Variants in PCNT observed in about 807,000 individuals in gnomAD.
PCNT encodes the protein pericentrin.
Under a neutral mutation model 380.4 loss-of-function variants are expected in PCNT, and 319 were observed. The ratio of observed to expected loss-of-function variants is 0.84; its 90% CI spans 0.77 to 0.92. PCNT has a LOEUF of 0.92. Ranked by LOEUF, PCNT falls within the 40% of genes least tolerant of loss-of-function variation. PCNT has a pLI of 0.00. For synonymous variants in PCNT, 1,845 were observed against 1,735.2 expected (o/e 1.06, Z -1.57); for missense variants, 4,400 against 4,255.3 (o/e 1.03, Z -0.95).
At position 46,411,595 on chromosome 21, in the gene PCNT, A is replaced by T; in HGVS notation, c.5522A>T (p.Asn1841Ile). Residue 1841 changes from asparagine (N) to isoleucine (I), a missense_variant, in exon 28 of 47, where the codon AAT becomes ATT. Coordinates refer to ENST00000359568, the MANE Select transcript of PCNT (RefSeq NM_006031.6). Reference protein sequence around the residue: ...AELQLAELERNVALREAEVED... With the variant: ...AELQLAELERIVALREAEVED... ...CTACAGCTGGCTGAGCTGGAGCGCA[A>T]TGTAGCCCTCAGGGAGGCTGAGGTC... 2.5e-6 allele frequency: 4 copies of T among 1,612,744 alleles called. No individual in the cohort carries two copies. The highest frequency in any genetic ancestry group is 2.2e-5 in the East Asian group (1 of 44,834).
chr21:46,442,413 G>T (rs941398080), intron 43 of PCNT, 84 bp from the exon 44 acceptor site: 2 of 849,280 alleles, frequency 2.4e-6, no homozygotes, highest in Non-Finnish European at 4.0e-6. Flanking sequence ...CATTCTGCTT[G>T]TTTGGTCACA....
At chr21:46,398,818 T>C (rs539804681) in intron 24 of PCNT, among the ~76,000 whole-genome samples, 38 of 135,426 alleles carry the variant, frequency 2.8e-4, no homozygotes, top group Admixed American at 2.6e-3. Flanking sequence ...TTTTTTCTTT[T>C]TCTTTTTTTT....
At chr21:46,343,321 T>C (rs1185555266) in intron 3 of PCNT, among the ~76,000 whole-genome samples, 1 of 152,170 alleles carries the variant, frequency 6.6e-6, no homozygotes, top group Non-Finnish European at 1.5e-5. Context: ...ATGCCGATTT[T>C]GCTGAGGGTT....
chr21:46,336,053 T>C (rs964410917), intron 3 of PCNT, among the ~76,000 whole-genome samples: 4 of 152,114 alleles, frequency 2.6e-5, no homozygotes, highest in African/African-American at 9.7e-5. Flanking sequence ...CTCGGCTCAC[T>C]GCAACCTCCG....
Position 46,396,994 on chromosome 21 carries a change from G to T in PCNT, c.4217-271G>T, listed in dbSNP as rs2086232523. On this transcript the variant is annotated intron_variant, in intron 21 of 46. Coordinates refer to ENST00000359568, the MANE Select transcript of PCNT (RefSeq NM_006031.6). ...CTCAGCACCGTCCGTCGTCTGCTGGGACTGGGCTTAGTCGTGTGTTTCTGT... is the reference window on the plus strand; with the variant it reads ...CTCAGCACCGTCCGTCGTCTGCTGGTACTGGGCTTAGTCGTGTGTTTCTGT... 4.6e-5 allele frequency among the ~76,000 whole-genome samples: 7 copies of T among 152,164 alleles called. No individual in the cohort carries two copies. The South Asian group carries it at 1.4e-3, about 32-fold the overall frequency.
In PCNT at chr21:46,436,025, GCAGGGCTGC is replaced by G; in HGVS notation, c.8875_8883del (p.Arg2959_Ala2961del). ...AGCCGCCTCCACCTAGGTTCTGCCC[GCAGGGCTGC>G]CGGCTCGGATGCGGACCACCTCCGG... is the stretch of plus-strand genomic sequence containing the variant. On this transcript the variant is annotated inframe_deletion, in exon 39 of 47. Coordinates refer to ENST00000359568, the MANE Select transcript of PCNT (RefSeq NM_006031.6). 2 of 1,614,048 alleles carry G rather than the reference GCAGGGCTGC, an allele frequency of 1.2e-6. No individual in the cohort carries two copies. Among genetic ancestry groups the G allele is most frequent in the Non-Finnish European group, 1.7e-6 (2 of 1,179,996 alleles).
chr21:46,336,981 GTTTT>G (rs745484512), intron 3 of PCNT, among the ~76,000 whole-genome samples: 3 of 98,876 alleles, frequency 3.0e-5, no homozygotes, highest in Non-Finnish European at 4.9e-5. Flanking sequence ...TTAGAAGGTT[GTTTT>G]TTTTGTTTGT....
chr21:46,418,883 G>A (rs948078123), intron 31 of PCNT, among the ~76,000 whole-genome samples: 4 of 152,226 alleles, frequency 2.6e-5, no homozygotes, highest in African/African-American at 9.6e-5. Flanking sequence ...CGGGAGGTGC[G>A]TGGGCTTGAC....
In PCNT at chr21:46,444,821, G is replaced by C; in HGVS notation, c.9967G>C (p.Asp3323His). The change falls in exon 46 of 47, where the codon GAT becomes CAT. Residue 3323 changes from aspartate (D) to histidine (H), a missense_variant and splice_region_variant. Physicochemically the swap from Asp to His is moderately conservative, Grantham distance 81. Coordinates refer to ENST00000359568, the MANE Select transcript of PCNT (RefSeq NM_006031.6). ...IQQRLGGVLP[D>H]STSKKSCHPM... Reference sequence around the variant, plus strand: ...GCAAAGATTGGGAGGGGTACTACCAGGTAATGCAAGTCCTCGCCGAGTATT... The same window carrying C: ...GCAAAGATTGGGAGGGGTACTACCACGTAATGCAAGTCCTCGCCGAGTATT... 6.2e-7 allele frequency: 1 copy of C among 1,613,070 alleles called. No homozygotes were observed. Among genetic ancestry groups the C allele is most frequent in the Non-Finnish European group, 8.5e-7 (1 of 1,179,066 alleles).
chr21:46,410,134 A>G (rs1291751581), intron 27 of PCNT, among the ~76,000 whole-genome samples: 1 of 152,236 alleles, frequency 6.6e-6, no homozygotes, highest in African/African-American at 2.4e-5. Flanking sequence ...GCACACAGTA[A>G]GGCACGCGAC....
At chr21:46,432,317 G>C (rs1245135065) in intron 38 of PCNT, 102 bp downstream of exon 38, 2 of 1,135,016 alleles carry the variant, frequency 1.8e-6, no homozygotes, top group Non-Finnish European at 2.6e-6. Context: ...CTGGCCCTCT[G>C]ACCTGGTCTG....
chr21:46,442,439 C>T, intron 43 of PCNT, 58 bp from the exon 44 acceptor site: 7 of 1,102,058 alleles, frequency 6.4e-6, no homozygotes, highest in Non-Finnish European at 9.7e-6. Context: ...GTTTTCATTG[C>T]TCTTTCCCTT....
At chr21:46,407,862 C>G (rs2086665313) in intron 27 of PCNT, among the ~76,000 whole-genome samples, 1 of 151,996 alleles carries the variant, frequency 6.6e-6, no homozygotes, top group Non-Finnish European at 1.5e-5. Context: ...CTCTTTATTT[C>G]TTTGATTTCT....
rs949987077 is a variant in PCNT at position 46,397,166 on chromosome 21, G to A, written c.4217-99G>A. ...CCCGAATTGAAGTGACTTCATTTTC[G>A]GTGGGTTTTGACTGAATCACCATCA... On this transcript the variant is annotated intron_variant, in intron 21 of 46. Coordinates refer to ENST00000359568, the MANE Select transcript of PCNT (RefSeq NM_006031.6). 129 of 942,278 alleles carry A rather than the reference G, an allele frequency of 1.4e-4. No homozygotes were observed. The African/African-American group carries it at 1.7e-3, about 13-fold the overall frequency. The allele number at this position is 942,278 out of a possible 1,614,324, so 58.4% of individuals were successfully genotyped here.
At chr21:46,420,781 A>G (rs2087218160) in intron 31 of PCNT, 1 of 152,308 alleles carries the variant, frequency 6.6e-6, no homozygotes, top group Non-Finnish European at 1.5e-5. Context: ...AGTTCCTGGT[A>G]CACGCTGTGG....
intron 27 of PCNT, among the ~76,000 whole-genome samples, chr21:46,408,679 C>G (rs998386457): frequency 3.3e-5 from 5 of 150,582 alleles, no homozygotes; most frequent in African/African-American, 1.2e-4. Context: ...TATTTGCCAT[C>G]CATATTGTGG....
At chr21:46,391,458 A>G (rs963785210) in intron 21 of PCNT, 82 bp downstream of exon 21, 3 of 1,154,414 alleles carry the variant, frequency 2.6e-6, no homozygotes, top group African/African-American at 1.5e-5. Flanking sequence ...TCCCAAGGAC[A>G]CTCAGTGTCT....
At chr21:46,441,145 C>A in intron 43 of PCNT, 61 bp downstream of exon 43, 1 of 1,040,570 alleles carries the variant, frequency 9.6e-7, no homozygotes, top group Non-Finnish European at 1.5e-6. Context: ...GGGCAGCACA[C>A]TGCATGGTTT....
chr21:46,375,995 G>A (rs116771572), intron 15 of PCNT, among the ~76,000 whole-genome samples: 277 of 152,332 alleles, frequency 1.8e-3, no homozygotes, highest in African/African-American at 6.4e-3. Flanking sequence ...GGTGGAGGGA[G>A]CGCCACCTCT....
Sources: allele counts gnomAD v4.1 joint callset (sites outside exome capture counted in the v4.1 genomes callset), GRCh38; gene constraint gnomAD v4.1.1; transcripts MANE v1.5; gene names NCBI Gene and HGNC (gene_info 2026-07-23, HGNC 2026-07-21).